STOX2: variants seen among roughly 807,000 people sequenced by gnomAD.
STOX2 encodes the protein storkhead box 2.
A neutral mutation model predicts 60.9 loss-of-function variants in STOX2; 28 were observed. The ratio of observed to expected loss-of-function variants is 0.46; its 90% confidence interval spans 0.34 to 0.63. The LOEUF is 0.63. Ranked by LOEUF, STOX2 falls within the 30% of genes least tolerant of loss-of-function variation. STOX2 has a pLI of 0.01. For missense variants in STOX2, 1,024 were observed against 1,187.7 expected, an observed-to-expected ratio of 0.86 and a Z score of 2.03; for synonymous variants, 472 against 463.9, an observed-to-expected ratio of 1.02 and a Z score of -0.22.
chr4:183,814,139 C>T (rs1181542407), intron 1 of STOX2, among the ~76,000 whole-genome samples: 1 of 152,022 alleles, frequency 6.6e-6, no homozygotes, highest in Non-Finnish European at 1.5e-5. Flanking sequence ...AATCTAAATG[C>T]CACGAATGGA....
At chr4:183,937,517 G>A (rs948195255) in intron 1 of STOX2, among the ~76,000 whole-genome samples, 1 of 152,114 alleles carries the variant, frequency 6.6e-6, no homozygotes, top group East Asian at 1.9e-4. Context: ...GAGTGGGGTC[G>A]GCAGACAGGT....
At chr4:183,883,436 C>T (rs1741002618) in intron 1 of STOX2, among the ~76,000 whole-genome samples, 2 of 151,694 alleles carry the variant, frequency 1.3e-5, no homozygotes, top group African/African-American at 2.4e-5. Context: ...TCTCCTGCCA[C>T]GGCCTCCCGA....
At position 183,981,843 on chromosome 4, in the gene STOX2, G is replaced by A. The variant is rs1339033453; in HGVS notation, c.167-19482G>A. 2.6e-5 allele frequency among the ~76,000 whole-genome samples: 4 copies of A among 152,218 alleles called. No individual in the cohort carries two copies. The East Asian group carries it at 5.8e-4, about 22-fold the overall frequency. On this transcript the variant is annotated intron_variant, in intron 1 of 3. Coordinates refer to ENST00000308497, the MANE Select transcript of STOX2 (RefSeq NM_020225.3). ...CGCAGCACTTTGGGAGGCCGAGGCAGGGGAATCACTCGAACCCAGGAGGTA... is the reference window on the plus strand; with the variant it reads ...CGCAGCACTTTGGGAGGCCGAGGCAAGGGAATCACTCGAACCCAGGAGGTA...
At chr4:183,819,669 T>C (rs974832212) in intron 1 of STOX2, among the ~76,000 whole-genome samples, 1 of 152,158 alleles carries the variant, frequency 6.6e-6, no homozygotes, top group Non-Finnish European at 1.5e-5. Flanking sequence ...ATGTTTTTCA[T>C]TGATGCACTT....
At position 184,017,559 on chromosome 4, in the gene STOX2, C is replaced by T. The variant is rs4488968; in HGVS notation, c.*275C>T. ...TGTATCTGAGCACACATAGGAAAGTCTAGACACTGTAAGTGTAATACGCAT... is the reference window on the plus strand; with the variant it reads ...TGTATCTGAGCACACATAGGAAAGTTTAGACACTGTAAGTGTAATACGCAT... On this transcript the variant is annotated 3_prime_UTR_variant, in exon 4 of 4. Transcript: ENST00000308497. 3.4e-6 allele frequency: 1 copy of T among 297,940 alleles called. No individual in the cohort carries two copies. The highest frequency in any genetic ancestry group is 7.0e-5 in the South Asian group (1 of 14,292). The allele number at this position is 297,940 out of a possible 1,614,324, so 18.5% of individuals were successfully genotyped here. A position where few individuals can be genotyped will look rare whatever the true frequency, so the allele number is the denominator to read the frequency against.
chr4:183,991,141 T>C (rs2111204489), intron 1 of STOX2, among the ~76,000 whole-genome samples: 1 of 152,304 alleles, frequency 6.6e-6, no homozygotes, highest in South Asian at 2.1e-4. Flanking sequence ...ATCCACACTA[T>C]TTCCCATCTC....
At chr4:183,822,338 A>T (rs1244091946) in intron 1 of STOX2, among the ~76,000 whole-genome samples, 1 of 152,168 alleles carries the variant, frequency 6.6e-6, no homozygotes, top group East Asian at 1.9e-4. Flanking sequence ...TTTTCCACAG[A>T]CTGGCATGGG....
intron 1 of STOX2, among the ~76,000 whole-genome samples, chr4:183,892,306 T>C (rs1741235505): frequency 6.6e-6 from 1 of 152,050 alleles, no homozygotes; most frequent in African/African-American, 2.4e-5. Context: ...TGAGACGGAG[T>C]CTCGCTCTGT....
chr4:183,895,511 T>G (rs1302462802), intron 1 of STOX2, among the ~76,000 whole-genome samples: 1 of 152,226 alleles, frequency 6.6e-6, no homozygotes, highest in African/African-American at 2.4e-5. Context: ...CATTTTACAT[T>G]GCTAACGCTC....
At chr4:184,002,075 T>C (rs1733616319) in intron 2 of STOX2, among the ~76,000 whole-genome samples, 1 of 152,230 alleles carries the variant, frequency 6.6e-6, no homozygotes. Flanking sequence ...CAGGACCCTC[T>C]TTCAAGAGAG....
At chr4:183,941,779 A>C (rs1325186350) in intron 1 of STOX2, among the ~76,000 whole-genome samples, 1 of 152,210 alleles carries the variant, frequency 6.6e-6, no homozygotes, top group Admixed American at 6.5e-5. Flanking sequence ...ACAAAGCTCC[A>C]CTAGAAGAAA....
chr4:183,996,788 A>G (rs543685405), intron 1 of STOX2, among the ~76,000 whole-genome samples: 60 of 152,222 alleles, frequency 3.9e-4, no homozygotes, highest in African/African-American at 1.4e-3. Flanking sequence ...TAGTTGTGTT[A>G]TAAAGTTATT....
intron 1 of STOX2, among the ~76,000 whole-genome samples, chr4:183,936,264 G>A (rs1190986113): frequency 6.6e-6 from 1 of 152,146 alleles, no homozygotes; most frequent in Admixed American, 6.5e-5. Flanking sequence ...GCTCTCATCT[G>A]TGCTGGGGAA....
At chr4:183,823,679 C>T (rs4078180) in intron 1 of STOX2, among the ~76,000 whole-genome samples, 55 of 152,048 alleles carry the variant, frequency 3.6e-4, no homozygotes, top group Admixed American at 2.5e-3. Context: ...CCGAGAGACA[C>T]CAGTGCCTAA....
chr4:183,905,268 C>G (rs1311799248), upstream of STOX2: 13 of 152,320 alleles, frequency 8.5e-5, no homozygotes, highest in Admixed American at 8.5e-4. Flanking sequence ...CCTCGCGCGC[C>G]GCGCGCATTG....
chr4:183,802,131 G>T (rs908685793), intron 1 of STOX2, among the ~76,000 whole-genome samples: 1 of 152,196 alleles, frequency 6.6e-6, no homozygotes, highest in African/African-American at 2.4e-5. Flanking sequence ...GGGAGCACAG[G>T]TGCATCTCTG....
chr4:183,800,250 T>C (rs1738729634), intron 1 of STOX2, among the ~76,000 whole-genome samples: 1 of 152,154 alleles, frequency 6.6e-6, no homozygotes, highest in Non-Finnish European at 1.5e-5. Flanking sequence ...TGGAAGCTGA[T>C]GAGGATTGGC....
At chr4:183,890,103 T>C (rs2111181421) in intron 1 of STOX2, among the ~76,000 whole-genome samples, 1 of 152,274 alleles carries the variant, frequency 6.6e-6, no homozygotes, top group East Asian at 1.9e-4. Context: ...CACCTGCGCA[T>C]ACCATTAAGC....
intron 1 of STOX2, among the ~76,000 whole-genome samples, chr4:183,910,530 C>T (rs373503211): frequency 6.6e-5 from 10 of 152,210 alleles, no homozygotes; most frequent in Non-Finnish European, 1.3e-4. Context: ...TGGGGATGGG[C>T]GCCTCTTTAT....
Sources: allele counts gnomAD v4.1 joint callset (sites outside exome capture counted in the v4.1 genomes callset), GRCh38; gene constraint gnomAD v4.1.1; transcripts MANE v1.5; gene names NCBI Gene and HGNC (gene_info 2026-07-23, HGNC 2026-07-21).